The following FBXL7 variants were observed in gnomAD, a reference collection of about 807,000 sequenced individuals.
The protein encoded by FBXL7 is F-box and leucine rich repeat protein 7, also known as F-box/LRR-repeat protein 7.
FBXL7 carries 12 observed loss-of-function variants against 38.3 expected under a neutral mutation model. The observed-to-expected ratio is 0.31, with a 90% CI of 0.20 to 0.51. The LOEUF is 0.51. Ranked by LOEUF, FBXL7 falls within the 20% of genes least tolerant of loss-of-function variation. The pLI, the probability that FBXL7 is intolerant of heterozygous loss-of-function variation, is 0.98. For missense variants in FBXL7, 567 were observed against 676.4 expected, an observed-to-expected ratio of 0.84 and a Z score of 1.79; for synonymous variants, 297 against 300.9, an observed-to-expected ratio of 0.99 and a Z score of 0.13.
At chr5:15,636,813 T>C (rs1405624416) in intron 2 of FBXL7, among the ~76,000 whole-genome samples, 1 of 152,234 alleles carries the variant, frequency 6.6e-6, no homozygotes, top group African/African-American at 2.4e-5. Flanking sequence ...AAATATGCTT[T>C]TATTTTTTCA....
chr5:15,681,637 A>G (rs1742848193), intron 2 of FBXL7, among the ~76,000 whole-genome samples: 2 of 152,192 alleles, frequency 1.3e-5, no homozygotes, highest in Non-Finnish European at 1.5e-5. Context: ...TATTTTTATA[A>G]CAAAACTGCT....
intron 2 of FBXL7, among the ~76,000 whole-genome samples, chr5:15,716,844 A>G (rs1744054558): frequency 6.6e-6 from 1 of 152,190 alleles, no homozygotes; most frequent in Admixed American, 6.5e-5. Context: ...ATCTTAGTGG[A>G]ATATAGAATG....
At chr5:15,843,878 A>C (rs1037502199) in intron 2 of FBXL7, among the ~76,000 whole-genome samples, 14 of 151,178 alleles carry the variant, frequency 9.3e-5, no homozygotes, top group African/African-American at 3.4e-4. Flanking sequence ...CTTTATATTT[A>C]CATATAAAGC....
intron 2 of FBXL7, among the ~76,000 whole-genome samples, chr5:15,922,206 C>T (rs572147900): frequency 4.0e-4 from 61 of 151,308 alleles, no homozygotes; most frequent in African/African-American, 1.2e-3. Context: ...AAAAAGGAGG[C>T]GGTCCTGCCA....
chr5:15,813,029 G>A (rs1373089106), intron 2 of FBXL7, among the ~76,000 whole-genome samples: 2 of 152,014 alleles, frequency 1.3e-5, no homozygotes, highest in African/African-American at 4.8e-5. Flanking sequence ...GGAGATTTTG[G>A]GCTGAGATGA....
At chr5:15,892,401 G>C (rs1301861384) in intron 2 of FBXL7, among the ~76,000 whole-genome samples, 3 of 152,184 alleles carry the variant, frequency 2.0e-5, no homozygotes, top group African/African-American at 7.2e-5. Flanking sequence ...TTTGAGCAGA[G>C]GCGGGACATG....
intron 2 of FBXL7, among the ~76,000 whole-genome samples, chr5:15,685,903 A>C (rs1008551896): frequency 2.0e-5 from 3 of 152,186 alleles, no homozygotes; most frequent in Non-Finnish European, 2.9e-5. Context: ...TCTCTTCTCA[A>C]ATCTGCAGTC....
At chr5:15,619,064 T>C (rs1167875129) in intron 2 of FBXL7, among the ~76,000 whole-genome samples, 2 of 152,206 alleles carry the variant, frequency 1.3e-5, no homozygotes, top group East Asian at 1.9e-4. Context: ...CCCATGATTC[T>C]TCCCTTAGGG....
intron 1 of FBXL7, among the ~76,000 whole-genome samples, chr5:15,599,380 C>CAT (rs1262167042): frequency 6.6e-6 from 1 of 151,874 alleles, no homozygotes; most frequent in Admixed American, 6.6e-5. Flanking sequence ...TGTGTGTATG[C>CAT]ATATATATAT....
intron 2 of FBXL7, among the ~76,000 whole-genome samples, chr5:15,702,700 G>C (rs1743566622): frequency 6.6e-6 from 1 of 152,152 alleles, no homozygotes; most frequent in South Asian, 2.1e-4. Flanking sequence ...ACTCTTCTCT[G>C]TAGATCAAAA....
At chr5:15,791,489 G>T (rs1737275985) in intron 2 of FBXL7, among the ~76,000 whole-genome samples, 1 of 152,116 alleles carries the variant, frequency 6.6e-6, no homozygotes, top group Non-Finnish European at 1.5e-5. Flanking sequence ...TGCCACCTAG[G>T]GTCCAGAAAT....
At chr5:15,708,335 C>A (rs1743754894) in intron 2 of FBXL7, among the ~76,000 whole-genome samples, 1 of 152,224 alleles carries the variant, frequency 6.6e-6, no homozygotes, top group Non-Finnish European at 1.5e-5. Context: ...CATTTCGAAT[C>A]TCATTGTAGG....
chr5:15,872,541 C>T (rs569373967), intron 2 of FBXL7, among the ~76,000 whole-genome samples: 1 of 152,266 alleles, frequency 6.6e-6, no homozygotes, highest in East Asian at 1.9e-4. Flanking sequence ...AGACCCATCT[C>T]ATGTGCAAAG....
intron 1 of FBXL7, among the ~76,000 whole-genome samples, chr5:15,525,219 T>C (rs557851978): frequency 1.3e-5 from 2 of 152,334 alleles, no homozygotes; most frequent in Admixed American, 1.3e-4. Flanking sequence ...TTTACAAGTG[T>C]TAACAATTCT....
rs1737645989 is a variant in FBXL7 at position 15,804,249 on chromosome 5, C to G, written c.128-123641C>G. ...TTGGGAGGCCCAAGAGGGAGGTTCT[C>G]TTGAGGCCAGGAGTTTGAGACCAGC... is the stretch of plus-strand genomic sequence containing the variant. On this transcript the variant is annotated intron_variant, in intron 2 of 3. Coordinates refer to ENST00000504595, the MANE Select transcript of FBXL7 (RefSeq NM_012304.5). Among the ~76,000 whole-genome samples the G allele has an allele frequency of 2.0e-5, 3 of 152,248 alleles. No individual in the cohort carries two copies. The South Asian group carries it at 6.2e-4, about 32-fold the overall frequency.
At chr5:15,618,205 G>A (rs1366655010) in intron 2 of FBXL7, among the ~76,000 whole-genome samples, 1 of 152,074 alleles carries the variant, frequency 6.6e-6, no homozygotes, top group Non-Finnish European at 1.5e-5. Flanking sequence ...TATTCTGAGG[G>A]TAGAATCAGG....
intron 2 of FBXL7, among the ~76,000 whole-genome samples, chr5:15,678,544 G>A (rs978322125): frequency 5.9e-5 from 9 of 152,144 alleles, no homozygotes; most frequent in African/African-American, 1.9e-4. Context: ...TTCTTTGATC[G>A]CATGATCTTA....
At chr5:15,744,792 G>A (rs988566898) in intron 2 of FBXL7, among the ~76,000 whole-genome samples, 3 of 152,146 alleles carry the variant, frequency 2.0e-5, no homozygotes, top group African/African-American at 7.2e-5. Context: ...CATGGCTGGG[G>A]AGGCCTCAGG....
intron 2 of FBXL7, among the ~76,000 whole-genome samples, chr5:15,921,724 C>T (rs1459247894): frequency 6.6e-6 from 1 of 152,064 alleles, no homozygotes; most frequent in African/African-American, 2.4e-5. Context: ...ATAAAAGTGG[C>T]CAACAGGTAC....
Sources: allele counts gnomAD v4.1 joint callset (sites outside exome capture counted in the v4.1 genomes callset), GRCh38; gene constraint gnomAD v4.1.1; transcripts MANE v1.5; gene names NCBI Gene and HGNC (gene_info 2026-07-23, HGNC 2026-07-21).